COLEC12: variants seen among roughly 807,000 people sequenced by gnomAD.
The protein encoded by COLEC12 is collectin subfamily member 12.
COLEC12 carries 33 observed loss-of-function variants against 71.1 expected under a neutral mutation model. The ratio of observed to expected loss-of-function variants is 0.46; its 90% CI spans 0.35 to 0.62. COLEC12 has a LOEUF of 0.62. COLEC12 is among the 20% of genes least tolerant of loss of function. The pLI, the probability that COLEC12 is intolerant of heterozygous loss-of-function variation, is 0.00. For synonymous variants in COLEC12, 350 were observed against 353.0 expected (o/e 0.99, Z 0.10); for missense variants, 765 against 916.1 (o/e 0.84, Z 2.13).
intron 4 of COLEC12, among the ~76,000 whole-genome samples, chr18:347,666 G>T (rs926484863): frequency 9.9e-5 from 15 of 151,940 alleles, no homozygotes; most frequent in Non-Finnish European, 1.8e-4. Context: ...TTTTTTTAAT[G>T]AAAGCAAAAA....
chr18:498,192 G>A (rs535405603), intron 1 of COLEC12, among the ~76,000 whole-genome samples: 3 of 152,036 alleles, frequency 2.0e-5, no homozygotes, highest in Non-Finnish European at 4.4e-5. Context: ...GCTGTTGAGA[G>A]GATTAATTGC....
intron 1 of COLEC12, among the ~76,000 whole-genome samples, chr18:492,020 G>A (rs186126262): frequency 1.2e-4 from 19 of 152,296 alleles, no homozygotes; most frequent in Non-Finnish European, 1.8e-4. Context: ...AGGATATTTT[G>A]TAGGGGGGTA....
At chr18:432,475 AG>A (rs1369735072) in intron 2 of COLEC12, among the ~76,000 whole-genome samples, 1 of 152,182 alleles carries the variant, frequency 6.6e-6, no homozygotes, top group African/African-American at 2.4e-5. Context: ...ACAAAAACTA[AG>A]GGGGTAAGAC....
Position 346,889 on chromosome 18 carries a change from G to A in COLEC12, c.733C>T (p.Gln245Ter). 1 of 1,614,166 alleles carries A rather than the reference G, an allele frequency of 6.2e-7. No individual in the cohort carries two copies. Among genetic ancestry groups the A allele is most frequent in the Non-Finnish European group, 8.5e-7 (1 of 1,180,006 alleles). The change falls in exon 5 of 10, where the codon CAG becomes TAG. Residue 245 changes from glutamine to a stop codon, truncating the protein, a stop_gained. Coordinates refer to ENST00000400256, the MANE Select transcript of COLEC12 (RefSeq NM_130386.3). LOFTEE classifies it high-confidence loss of function. The surrounding 1 kb of genome is among the most constrained non-coding windows in gnomAD (Gnocchi z 4.0). ...QRIKNDFQNL[Q>*]QVFLQAKKDT... ...TTCTTGGCTTGAAGAAAAACCTGCT[G>A]CAGATTTTGAAAGTCGTTCTTGATT...
At position 480,637 on chromosome 18, in the gene COLEC12, G is replaced by C; in HGVS notation, c.58+70C>G. ...AAGGGCCTGCCAGTGGCCTGCCAAT[G>C]GTCTCTGAGGGTTCGTGGCTGCATC... On this transcript the variant is annotated intron_variant, in intron 2 of 9. Transcript: ENST00000400256. The surrounding 1 kb of genome is among the most constrained non-coding windows in gnomAD (Gnocchi z 4.1). 1 of 1,368,608 alleles carries C rather than the reference G, an allele frequency of 7.3e-7. No homozygotes were observed. The highest frequency in any genetic ancestry group is 1.2e-5 in the South Asian group (1 of 86,054). The allele number at this position is 1,368,608 out of a possible 1,614,324, so 84.8% of individuals were successfully genotyped here. A position where few individuals can be genotyped will look rare whatever the true frequency, so the allele number is the denominator to read the frequency against.
intron 2 of COLEC12, among the ~76,000 whole-genome samples, chr18:451,586 A>C (rs1012594990): frequency 1.3e-5 from 2 of 152,134 alleles, no homozygotes; most frequent in Non-Finnish European, 2.9e-5. Flanking sequence ...TCTCTACTAA[A>C]AAATACAAAA....
intron 2 of COLEC12, among the ~76,000 whole-genome samples, chr18:436,304 C>T (rs192786575): frequency 1.2e-3 from 190 of 152,180 alleles, no homozygotes; most frequent in African/African-American, 4.3e-3. Context: ...TGAGCTCACA[C>T]GTTTGAGGCC....
chr18:484,547 C>T (rs980559551), intron 1 of COLEC12, among the ~76,000 whole-genome samples: 2 of 152,190 alleles, frequency 1.3e-5, no homozygotes, highest in Non-Finnish European at 2.9e-5. Flanking sequence ...TGCAATTATA[C>T]AGAAGTGCCT....
rs529454057 is a variant in COLEC12, at chr18:368,998, C to G, written c.59-11476G>C. 2.6e-5 allele frequency among the ~76,000 whole-genome samples: 4 copies of G among 152,308 alleles called. No homozygotes were observed. The East Asian group carries it at 5.8e-4, about 22-fold the overall frequency. Reference sequence around the variant, plus strand: ...TGACCCCCAATTGTTGTTATCTCTTCACAACTCTATGTTCAGTGACTTTAT... The same window carrying G: ...TGACCCCCAATTGTTGTTATCTCTTGACAACTCTATGTTCAGTGACTTTAT... On this transcript the variant is annotated intron_variant, in intron 2 of 9. Transcript: ENST00000400256.
At chr18:495,977 AAAGGG>A (rs1159777763) in intron 1 of COLEC12, among the ~76,000 whole-genome samples, 6 of 152,242 alleles carry the variant, frequency 3.9e-5, no homozygotes, top group Admixed American at 3.9e-4. Flanking sequence ...AGCTATTATT[AAAGGG>A]AAGTCTGTGT....
At chr18:451,703 C>T (rs183104784) in intron 2 of COLEC12, among the ~76,000 whole-genome samples, 275 of 151,682 alleles carry the variant, frequency 1.8e-3, no homozygotes, top group African/African-American at 5.8e-3. Flanking sequence ...GTCGAGATCA[C>T]GCCACTGCAC....
At chr18:325,535 G>A (rs762785079) in intron 8 of COLEC12, among the ~76,000 whole-genome samples, 43 of 150,588 alleles carry the variant, frequency 2.9e-4, no homozygotes, top group East Asian at 3.9e-4. Context: ...TCCGGCTCCC[G>A]CAGGTCTAGC....
chr18:494,822 C>T (rs148449184), intron 1 of COLEC12, among the ~76,000 whole-genome samples: 52 of 152,270 alleles, frequency 3.4e-4, no homozygotes, highest in Admixed American at 1.8e-3. Context: ...AAATGTAAAA[C>T]ATCCAACGTC....
At chr18:431,199 T>C (rs909561727) in intron 2 of COLEC12, among the ~76,000 whole-genome samples, 1 of 151,456 alleles carries the variant, frequency 6.6e-6, no homozygotes, top group Non-Finnish European at 1.5e-5. Flanking sequence ...GACGAGGTCT[T>C]GTTATATTGC....
At chr18:320,127 C>A (rs568926845) in intron 9 of COLEC12, 63 bp from the exon 10 acceptor site, 4 of 909,992 alleles carry the variant, frequency 4.4e-6, no homozygotes, top group South Asian at 1.4e-5. Context: ...ATGTGCAATT[C>A]AAAAAAAGGG....
At chr18:464,190 G>T (rs116285681) in intron 2 of COLEC12, among the ~76,000 whole-genome samples, 4 of 152,158 alleles carry the variant, frequency 2.6e-5, no homozygotes, top group African/African-American at 9.7e-5. Context: ...TGTATTATCT[G>T]CTATTGTTCC....
At chr18:483,920 C>T (rs1917472572) in intron 1 of COLEC12, among the ~76,000 whole-genome samples, 1 of 152,204 alleles carries the variant, frequency 6.6e-6, no homozygotes, top group Non-Finnish European at 1.5e-5. Context: ...CATCCGTGCC[C>T]TTGGCCAGCT....
Position 333,313 on chromosome 18 carries a change from C to G in COLEC12, c.1817-170G>C, listed in dbSNP as rs1277387378. ...GGACGTGCTCGCAGCAAGCATGACC[C>G]AAAGTGGACTGCAGAGCACAAGCCA... is the stretch of plus-strand genomic sequence containing the variant. On this transcript the variant is annotated intron_variant, in intron 6 of 9. Transcript: ENST00000400256. 4 of 566,164 alleles carry G rather than the reference C, an allele frequency of 7.1e-6. No individual in the cohort carries two copies. The East Asian group carries it at 1.2e-4, about 17-fold the overall frequency. The allele number at this position is 566,164 out of a possible 1,614,324, so 35.1% of individuals were successfully genotyped here.
At chr18:437,335 C>T (rs148315917) in intron 2 of COLEC12, among the ~76,000 whole-genome samples, 14 of 152,334 alleles carry the variant, frequency 9.2e-5, no homozygotes, top group African/African-American at 3.4e-4. Context: ...ACAGATGACC[C>T]AAGTTAAATT....
Sources: gnomAD v4.1 joint callset for allele counts (sites outside exome capture counted in the v4.1 genomes callset) on GRCh38, gnomAD v4.1.1 for gene constraint, Gnocchi (gnomAD v3.1) non-coding constraint, MANE v1.5 for transcripts, NCBI Gene and HGNC (gene_info 2026-07-23, HGNC 2026-07-21) for gene names.